The following NPIPB2 variants were observed in gnomAD, a reference collection of about 807,000 sequenced individuals.
NPIPB2 encodes nuclear pore complex interacting protein family member B2.
In NPIPB2, 27 loss-of-function variants were observed where a neutral mutation model predicts 30.8. The observed-to-expected ratio is 0.88, with a 90% CI of 0.65 to 1.21. The LOEUF (loss-of-function observed/expected upper bound fraction) is 1.21. Ranked by LOEUF, NPIPB2 falls within the 50% of genes most tolerant of loss-of-function variation. NPIPB2 has a pLI of 0.00. For synonymous variants in NPIPB2, 147 were observed against 162.0 expected (o/e 0.91, Z 0.70); for missense variants, 440 against 446.2 (o/e 0.99, Z 0.13).
chr16:11,967,719 T>G, intron 1 of NPIPB2: 2 of 1,614,186 alleles, frequency 1.2e-6, no homozygotes, highest in Non-Finnish European at 1.7e-6. Flanking sequence ...CTCTGACCAT[T>G]GCTTTCCACT....
intron 1 of NPIPB2, among the ~76,000 whole-genome samples, chr16:11,957,934 T>C (rs889345393): frequency 2.0e-5 from 3 of 152,212 alleles, no homozygotes; most frequent in African/African-American, 7.2e-5. Flanking sequence ...TCTATTTCTC[T>C]GGAGAATTCT....
At chr16:11,966,809 ATTAT>A (rs1567479426) in intron 1 of NPIPB2, among the ~76,000 whole-genome samples, 1 of 152,024 alleles carries the variant, frequency 6.6e-6, no homozygotes, top group Non-Finnish European at 1.5e-5. Context: ...TTGCTCCTGA[ATTAT>A]TTGAGGAATC....
chr16:11,956,776 G>A (rs1489956019), intron 1 of NPIPB2, among the ~76,000 whole-genome samples: 1 of 152,168 alleles, frequency 6.6e-6, no homozygotes, highest in African/African-American at 2.4e-5. Context: ...CAGGCTTCTT[G>A]AGGTCCCCTC....
upstream of NPIPB2, among the ~76,000 whole-genome samples, chr16:11,946,868 C>T (rs1427792730): frequency 2.0e-5 from 3 of 151,482 alleles, no homozygotes; most frequent in Non-Finnish European, 4.4e-5. Context: ...TACAGGCGCC[C>T]GCCACCACAC....
At chr16:11,945,325 G>A (rs1382572597), upstream of NPIPB2, among the ~76,000 whole-genome samples, 1 of 152,090 alleles carries the variant, frequency 6.6e-6, no homozygotes, top group Non-Finnish European at 1.5e-5. Flanking sequence ...AGGCTGCAGT[G>A]AGCTCTGATG....
At chr16:11,965,465 T>C (rs201329134) in intron 1 of NPIPB2, 43 of 1,613,752 alleles carry the variant, frequency 2.7e-5, no homozygotes, top group East Asian at 1.1e-4. Context: ...GTAAGTAATA[T>C]TGCTTGAACG....
chr16:11,947,348 A>ATTAT (rs2055022138), intron 1 of NPIPB2, among the ~76,000 whole-genome samples: 2 of 146,062 alleles, frequency 1.4e-5, no homozygotes, highest in Non-Finnish European at 3.0e-5. Flanking sequence ...TTATTTATTT[A>ATTAT]TTATTTATTT....
intron 1 of NPIPB2, among the ~76,000 whole-genome samples, chr16:11,941,499 G>T (rs2054939962): frequency 6.6e-6 from 1 of 151,130 alleles, no homozygotes; most frequent in Non-Finnish European, 1.5e-5. Flanking sequence ...TTCAAATTAA[G>T]TTCTCAAGCG....
At chr16:11,967,554 G>C in intron 1 of NPIPB2, 1 of 1,603,762 alleles carries the variant, frequency 6.2e-7, no homozygotes, top group East Asian at 2.2e-5. Context: ...TAATGTTTCC[G>C]TTTCTACATA....
intron 2 of NPIPB2, among the ~76,000 whole-genome samples, chr16:11,935,189 C>T (rs1367471195): frequency 1.3e-5 from 2 of 149,580 alleles, no homozygotes; most frequent in African/African-American, 4.9e-5. Flanking sequence ...ACCAAGATTT[C>T]CATATTATCA....
At chr16:11,950,399 G>A (rs567699929) in intron 1 of NPIPB2, among the ~76,000 whole-genome samples, 2 of 152,184 alleles carry the variant, frequency 1.3e-5, no homozygotes, top group African/African-American at 4.8e-5. Context: ...CGAACTCATG[G>A]GCTCAAGCAA....
At chr16:11,941,929 G>A (rs1379956735) in intron 1 of NPIPB2, 54 bp downstream of exon 1, 3 of 1,019,028 alleles carry the variant, frequency 2.9e-6, no homozygotes, top group Non-Finnish European at 4.4e-6. Flanking sequence ...GGTCACTTTT[G>A]GCGACAAAAC....
In NPIPB2 at chr16:11,927,446, ACCTCAGCGGC is replaced by A. The variant is rs2054735686; in HGVS notation, c.1111_1120del (p.Ala371TrpfsTer13). ...CTTGGGCTCGGGTGATGATGGTTCC[ACCTCAGCGGC>A]CCTCCGCCTCTTGGGTTCGGGTGGT... is the stretch of plus-strand genomic sequence containing the variant. On this transcript the variant is annotated frameshift_variant, in exon 8 of 8. Transcript: ENST00000399147. LOFTEE classifies it high-confidence loss of function. 2.8e-6 allele frequency: 3 copies of A among 1,076,322 alleles called. No individual in the cohort carries two copies. Among genetic ancestry groups the A allele is most frequent in the South Asian group, 2.8e-5 (2 of 70,646 alleles). 66.7% of individuals were successfully genotyped at this position (1,076,322 alleles called of 1,614,324 possible).
At chr16:11,973,162 CAAAAAA>C (rs34947493) in intron 1 of NPIPB2, among the ~76,000 whole-genome samples, 1 of 73,036 alleles carries the variant, frequency 1.4e-5, no homozygotes, top group Non-Finnish European at 2.9e-5. Context: ...GTGAAACTGT[CAAAAAA>C]AAAAAAAAAA....
upstream of NPIPB2, among the ~76,000 whole-genome samples, chr16:11,944,208 C>T (rs1196053001): frequency 6.8e-6 from 1 of 146,506 alleles, no homozygotes; most frequent in African/African-American, 2.5e-5. Flanking sequence ...CTTGCTCTGT[C>T]GCCCAGGTTG....
upstream of NPIPB2, among the ~76,000 whole-genome samples, chr16:11,943,732 C>G (rs1055652397): frequency 2.0e-5 from 3 of 150,468 alleles, no homozygotes; most frequent in African/African-American, 4.9e-5. Flanking sequence ...GGCACGGTGG[C>G]TCATGCCTGT....
At chr16:11,969,512 C>T (rs2055222028) in intron 1 of NPIPB2, among the ~76,000 whole-genome samples, 1 of 152,228 alleles carries the variant, frequency 6.6e-6, no homozygotes, top group Non-Finnish European at 1.5e-5. Flanking sequence ...GTCTTGGCCT[C>T]CCAATGTGCT....
upstream of NPIPB2, among the ~76,000 whole-genome samples, chr16:11,943,110 AG>A (rs1475029824): frequency 6.6e-6 from 1 of 152,086 alleles, no homozygotes; most frequent in African/African-American, 2.4e-5. Flanking sequence ...TCACAAGGTC[AG>A]GAGTTCCAGA....
At chr16:11,933,604 C>G in exon 4 of NPIPB2, 3 of 1,468,364 alleles carry the variant, frequency 2.0e-6, no homozygotes, top group Non-Finnish European at 2.7e-6. Flanking sequence ...TTTAGCTCTA[C>G]CTTTTGTTTC....
Sources: allele counts gnomAD v4.1 joint callset (sites outside exome capture counted in the v4.1 genomes callset), GRCh38; gene constraint gnomAD v4.1.1; transcripts MANE v1.5; gene names NCBI Gene and HGNC (gene_info 2026-07-23, HGNC 2026-07-21).